The following CCL24 variants were observed in gnomAD, a reference collection of about 807,000 sequenced individuals.
CCL24 encodes the protein C-C motif chemokine 24.
Under a neutral mutation model 8.6 loss-of-function variants are expected in CCL24, and 6 were observed. The ratio of observed to expected loss-of-function variants is 0.70; its 90% CI spans 0.38 to 1.38. The LOEUF is 1.38. Ranked by LOEUF, CCL24 falls within the 40% of genes most tolerant of loss-of-function variation. The pLI is 0.02. For synonymous variants in CCL24, 59 were observed against 52.7 expected (o/e 1.12, Z -0.52); for missense variants, 126 against 147.1 (o/e 0.86, Z 0.74).
At chr7:75,815,488 A>T (rs1803870045), upstream of CCL24, among the ~76,000 whole-genome samples, 1 of 152,108 alleles carries the variant, frequency 6.6e-6, no homozygotes, top group African/African-American at 2.4e-5. Flanking sequence ...AAAAAAAAAT[A>T]AAAAGAAAAC....
chr7:75,823,053 C>T (rs1554535295), intron 1 of CCL24, among the ~76,000 whole-genome samples: 1 of 152,140 alleles, frequency 6.6e-6, no homozygotes, highest in Non-Finnish European at 1.5e-5. Context: ...TAGACTCTCA[C>T]GGCCACCAGC....
chr7:75,811,680 TG>T lies in CCL24; in HGVS notation c.*115del. 1 of 872,536 alleles carries T rather than the reference TG, an allele frequency of 1.1e-6. No homozygotes were observed. The highest frequency in any genetic ancestry group is 1.8e-5 in the South Asian group (1 of 56,028). 54.0% of individuals were successfully genotyped at this position (872,536 alleles called of 1,614,324 possible). ...ATAGAAGAGACACATCCCTGGAGAG[TG>T]TTGCTAAGAAACAGGAAAATTAGCT... On this transcript the variant is annotated 3_prime_UTR_variant, in exon 3 of 3. Transcript: ENST00000222902.
chr7:75,817,130 C>T (rs541272417), upstream of CCL24, among the ~76,000 whole-genome samples: 3 of 151,954 alleles, frequency 2.0e-5, no homozygotes, highest in East Asian at 1.9e-4. Flanking sequence ...CCTCCCAAAG[C>T]GCTGGGATTA....
intron 1 of CCL24, among the ~76,000 whole-genome samples, chr7:75,820,064 CTT>C (rs1200764331): frequency 2.3e-5 from 3 of 132,790 alleles, no homozygotes; most frequent in Admixed American, 8.3e-5. Context: ...TCTTCTTCTT[CTT>C]CTTCTTCTTC....
intron 1 of CCL24, 43 bp downstream of exon 1, chr7:75,813,600 T>C (rs1585028030): frequency 1.3e-6 from 2 of 1,554,446 alleles, no homozygotes; most frequent in South Asian, 1.1e-5. Context: ...CACTGTGCCA[T>C]CCCAGCCATG....
At chr7:75,823,296 A>G (rs1804086847) in intron 1 of CCL24, 1 of 152,502 alleles carries the variant, frequency 6.6e-6, no homozygotes, top group Admixed American at 6.6e-5. Context: ...AAGTCCCAGA[A>G]TACTGGGCAC....
upstream of CCL24, among the ~76,000 whole-genome samples, chr7:75,816,087 G>C (rs782197876): frequency 6.6e-6 from 1 of 152,140 alleles, no homozygotes; most frequent in South Asian, 2.1e-4. Flanking sequence ...GGGTGTCTGC[G>C]TCTCAGTCTC....
At chr7:75,817,424 T>C (rs1193906602), upstream of CCL24, among the ~76,000 whole-genome samples, 3 of 150,828 alleles carry the variant, frequency 2.0e-5, no homozygotes, top group African/African-American at 7.3e-5. Flanking sequence ...TGGGTGGGAG[T>C]GTGTGGGGTG....
chr7:75,814,223 G>A (rs1554533824), upstream of CCL24, among the ~76,000 whole-genome samples: 1 of 152,084 alleles, frequency 6.6e-6, no homozygotes, highest in Non-Finnish European at 1.5e-5. Context: ...CCAGGCACTG[G>A]GAGGACTCTA....
rs1803763551 is a variant in CCL24, at chr7:75,811,680, T to C, written c.*116A>G. ...ATAGAAGAGACACATCCCTGGAGAG[T>C]GTTGCTAAGAAACAGGAAAATTAGC... On this transcript the variant is annotated 3_prime_UTR_variant, in exon 3 of 3. Coordinates refer to ENST00000222902, the MANE Select transcript of CCL24 (RefSeq NM_002991.3). 13 of 872,414 alleles carry C rather than the reference T, an allele frequency of 1.5e-5. No homozygotes were observed. Among genetic ancestry groups the C allele is most frequent in the Non-Finnish European group, 1.7e-6 (1 of 574,000 alleles). The allele number at this position is 872,414 out of a possible 1,614,324, so 54.0% of individuals were successfully genotyped here.
At chr7:75,820,106 C>CCTTCTTCTTCTTCTTCTTCTT (rs71534425) in intron 1 of CCL24, among the ~76,000 whole-genome samples, 1 of 72,072 alleles carries the variant, frequency 1.4e-5, no homozygotes, top group African/African-American at 4.1e-5. Flanking sequence ...TCTTCTTCTT[C>CCTTCTTCTTCTTCTTCTTCTT]CTTCTTCTTC....
chr7:75,814,811 G>C (rs1391009058), upstream of CCL24, among the ~76,000 whole-genome samples: 2 of 151,936 alleles, frequency 1.3e-5, no homozygotes, highest in African/African-American at 4.8e-5. Flanking sequence ...TCCAGATCCA[G>C]CATGACCTAC....
At chr7:75,820,064 CT>C in intron 1 of CCL24, among the ~76,000 whole-genome samples, 1 of 132,790 alleles carries the variant, frequency 7.5e-6, no homozygotes, top group Non-Finnish European at 1.6e-5. Flanking sequence ...TCTTCTTCTT[CT>C]TCTTCTTCTT....
intron 1 of CCL24, among the ~76,000 whole-genome samples, chr7:75,820,106 C>CCTTCTTCTTCTT: frequency 1.4e-5 from 1 of 72,072 alleles, no homozygotes; most frequent in Non-Finnish European, 2.9e-5. Flanking sequence ...TCTTCTTCTT[C>CCTTCTTCTTCTT]CTTCTTCTTC....
At chr7:75,821,922 C>T (rs1307717114) in intron 1 of CCL24, among the ~76,000 whole-genome samples, 3 of 140,296 alleles carry the variant, frequency 2.1e-5, no homozygotes, top group Non-Finnish European at 4.6e-5. Flanking sequence ...AGCGAGACTC[C>T]GTCTCAAAAA....
intron 1 of CCL24, among the ~76,000 whole-genome samples, chr7:75,819,908 C>A (rs184826523): frequency 3.6e-3 from 550 of 152,106 alleles, no homozygotes; most frequent in Non-Finnish European, 6.2e-3. Flanking sequence ...GCTTTGATTT[C>A]CTCATCTATG....
chr7:75,811,864 G>C lies in CCL24; in HGVS notation c.292C>G (p.Pro98Ala), dbSNP rs141617150. Residue 98 changes from proline to alanine, a missense_variant, in exon 3 of 3, where the codon CCT becomes GCT. Pro to Ala is a conservative substitution (Grantham distance 27). Coordinates refer to ENST00000222902, the MANE Select transcript of CCL24 (RefSeq NM_002991.3). ...TTGACAGCCACTGCCCTGGCCCTAG[G>C]GGAAGCCTTCTTCTGCTTGGCGTCC... ...NLDAKQKKAS[P>A]RARAVAVKGP... 3.2e-5 allele frequency: 51 copies of C among 1,612,552 alleles called. No individual in the cohort carries two copies. The highest frequency in any genetic ancestry group is 4.2e-5 in the Non-Finnish European group (50 of 1,179,788).
upstream of CCL24, among the ~76,000 whole-genome samples, chr7:75,815,036 G>C (rs556420533): frequency 4.6e-5 from 7 of 152,154 alleles, no homozygotes; most frequent in South Asian, 1.4e-3. Flanking sequence ...TGGGAGGAAG[G>C]GAAACATAGG....
In CCL24 at chr7:75,813,425, T is replaced by A; in HGVS notation, c.74-2A>T. ...AGGGAGAGGGGATGACCACAGAGCC[T>A]AGAAGAGGAGAGAGAGAAGAGCCAC... is the stretch of plus-strand genomic sequence containing the variant. On this transcript the variant is annotated splice_acceptor_variant, in intron 1 of 2. Transcript: ENST00000222902. LOFTEE classifies it high-confidence loss of function. 6.3e-7 allele frequency: 1 copy of A among 1,597,746 alleles called. No homozygotes were observed. The highest frequency in any genetic ancestry group is 8.6e-7 in the Non-Finnish European group (1 of 1,165,828).
Sources: allele counts gnomAD v4.1 joint callset (sites outside exome capture counted in the v4.1 genomes callset), GRCh38; gene constraint gnomAD v4.1.1; transcripts MANE v1.5; gene names NCBI Gene and HGNC (gene_info 2026-07-23, HGNC 2026-07-21).